ARHGAP26: variants seen among roughly 807,000 people sequenced by gnomAD.
ARHGAP26 encodes Rho GTPase activating protein 26, also known as rho GTPase-activating protein 26.
ARHGAP26 carries 38 observed loss-of-function variants against 104.8 expected under a neutral mutation model. That is an observed-to-expected ratio of 0.36 (90% confidence interval 0.28 to 0.48). The LOEUF is 0.48. Among genes scored for constraint, ARHGAP26 ranks in the 20% least tolerant of loss-of-function variants. The pLI is 0.99. For synonymous variants in ARHGAP26, 341 were observed against 340.0 expected (o/e 1.00, Z -0.03); for missense variants, 704 against 947.9 (o/e 0.74, Z 3.38).
At chr5:143,215,831 A>G (rs1172941179) in intron 22 of ARHGAP26, among the ~76,000 whole-genome samples, 2 of 152,228 alleles carry the variant, frequency 1.3e-5, no homozygotes, top group African/African-American at 4.8e-5. Context: ...TGGTATGGAT[A>G]TAGCACATTT....
intron 1 of ARHGAP26, among the ~76,000 whole-genome samples, chr5:142,789,537 C>T (rs530248386): frequency 6.6e-6 from 1 of 152,334 alleles, no homozygotes; most frequent in Admixed American, 6.5e-5. Flanking sequence ...CAACCCATCT[C>T]ACTACCCAGA....
intron 12 of ARHGAP26, among the ~76,000 whole-genome samples, chr5:143,031,263 G>T (rs1315684671): frequency 2.0e-5 from 3 of 152,232 alleles, no homozygotes; most frequent in Non-Finnish European, 4.4e-5. Context: ...TTCTCCCAAG[G>T]GCAGCAAGGT....
intron 20 of ARHGAP26, chr5:143,166,029 A>G: frequency 1.5e-6 from 2 of 1,321,006 alleles, no homozygotes; most frequent in Non-Finnish European, 2.0e-6. Context: ...TTTAACAGGC[A>G]CTGGGGATTT....
intron 1 of ARHGAP26, among the ~76,000 whole-genome samples, chr5:142,829,209 C>G (rs1374286706): frequency 6.6e-6 from 1 of 152,194 alleles, no homozygotes; most frequent in African/African-American, 2.4e-5. Flanking sequence ...TGTATACCAT[C>G]ATATTCTCTG....
intron 20 of ARHGAP26, chr5:143,165,013 A>G (rs527928756): frequency 1.3e-5 from 2 of 152,384 alleles, no homozygotes; most frequent in South Asian, 2.1e-4. Context: ...CTTCGGATTC[A>G]TATAGAAATC....
At chr5:143,014,268 T>A in intron 12 of ARHGAP26, 152 bp downstream of exon 12, 2 of 770,414 alleles carry the variant, frequency 2.6e-6, no homozygotes, top group Non-Finnish European at 4.5e-6. Flanking sequence ...CCACCCCAAC[T>A]TTCCGCCAGT....
chr5:143,103,059 T>A (rs3776313), intron 17 of ARHGAP26: 5,898 of 165,846 alleles, frequency 0.036, 148 homozygotes, highest in East Asian at 0.12. Context: ...GAAAGATATA[T>A]GGATTATAAA....
At chr5:142,930,807 C>G (rs992359106) in intron 10 of ARHGAP26, among the ~76,000 whole-genome samples, 4 of 152,066 alleles carry the variant, frequency 2.6e-5, no homozygotes, top group African/African-American at 9.7e-5. Flanking sequence ...TGAAAAGAAT[C>G]AAATGTGACT....
At chr5:142,830,819 C>T (rs1019178600) in intron 1 of ARHGAP26, among the ~76,000 whole-genome samples, 5 of 152,280 alleles carry the variant, frequency 3.3e-5, no homozygotes, top group African/African-American at 9.6e-5. Context: ...CAGACTGCGC[C>T]GTATCCCCCT....
chr5:142,816,847 C>A (rs1363094219), intron 1 of ARHGAP26, among the ~76,000 whole-genome samples: 1 of 152,008 alleles, frequency 6.6e-6, no homozygotes, highest in East Asian at 1.9e-4. Context: ...GCACTGTGCT[C>A]AAGAAGATAG....
intron 6 of ARHGAP26, 23 bp downstream of exon 6, chr5:142,894,371 A>G (rs1269042731): frequency 6.3e-7 from 1 of 1,591,778 alleles, no homozygotes; most frequent in Non-Finnish European, 8.6e-7. Context: ...TCAGGGTTTA[A>G]TGATGTACCC....
At chr5:143,034,621 A>G (rs1161867551) in intron 12 of ARHGAP26, among the ~76,000 whole-genome samples, 2 of 152,160 alleles carry the variant, frequency 1.3e-5, no homozygotes, top group African/African-American at 4.8e-5. Flanking sequence ...TTTTTGGGGT[A>G]GGGAGGAGGG....
chr5:142,936,138 C>CACACA (rs1765383764), intron 11 of ARHGAP26, among the ~76,000 whole-genome samples: 1 of 151,474 alleles, frequency 6.6e-6, no homozygotes, highest in Admixed American at 6.6e-5. Flanking sequence ...CACACACACA[C>CACACA]ACACACACCC....
At chr5:142,821,105 T>A (rs1350042042) in intron 1 of ARHGAP26, among the ~76,000 whole-genome samples, 3 of 152,124 alleles carry the variant, frequency 2.0e-5, no homozygotes, top group Non-Finnish European at 4.4e-5. Context: ...TTACAGAGCT[T>A]CTTGGTATTC....
chr5:142,832,531 T>G (rs1488976703), intron 1 of ARHGAP26, among the ~76,000 whole-genome samples: 1 of 152,174 alleles, frequency 6.6e-6, no homozygotes, highest in Non-Finnish European at 1.5e-5. Flanking sequence ...AATAAAGTTC[T>G]TTTTCTTATG....
intron 4 of ARHGAP26, among the ~76,000 whole-genome samples, chr5:142,880,780 A>G (rs995319281): frequency 2.0e-5 from 3 of 152,170 alleles, no homozygotes; most frequent in Non-Finnish European, 1.5e-5. Flanking sequence ...CCTACAACAC[A>G]CACACCCCTG....
At position 143,222,526 on chromosome 5, in the gene ARHGAP26, T is replaced by C. The variant is rs1811340687; in HGVS notation, c.*80T>C. ...ATTCCAGTGTCGAGGCCATTTCTCTTTGCCACTGAGAAATGCAGCGTGACT... is the reference window on the plus strand; with the variant it reads ...ATTCCAGTGTCGAGGCCATTTCTCTCTGCCACTGAGAAATGCAGCGTGACT... On this transcript the variant is annotated 3_prime_UTR_variant, in exon 23 of 23. Transcript: ENST00000645722. 1 of 1,180,934 alleles carries C rather than the reference T, an allele frequency of 8.5e-7. No homozygotes were observed. The highest frequency in any genetic ancestry group is 1.5e-5 in the African/African-American group (1 of 65,748). The allele number at this position is 1,180,934 out of a possible 1,614,324, so 73.2% of individuals were successfully genotyped here. A position where few individuals can be genotyped will look rare whatever the true frequency, so the allele number is the denominator to read the frequency against.
chr5:143,192,260 G>T (rs17100126), intron 20 of ARHGAP26, among the ~76,000 whole-genome samples: 1 of 152,204 alleles, frequency 6.6e-6, no homozygotes, highest in Admixed American at 6.5e-5. Flanking sequence ...GAAGGAGGTC[G>T]CATTTGAAAT....
chr5:142,794,033 A>G (rs1760438766), intron 1 of ARHGAP26, among the ~76,000 whole-genome samples: 1 of 152,226 alleles, frequency 6.6e-6, no homozygotes, highest in African/African-American at 2.4e-5. Flanking sequence ...TGGAAAGCCC[A>G]GTGATGTTCT....
Sources: allele counts gnomAD v4.1 joint callset (sites outside exome capture counted in the v4.1 genomes callset), GRCh38; gene constraint gnomAD v4.1.1; transcripts MANE v1.5; gene names NCBI Gene and HGNC (gene_info 2026-07-23, HGNC 2026-07-21).